The following ABHD17C variants were observed in gnomAD, a reference collection of about 807,000 sequenced individuals.
The protein encoded by ABHD17C is abhydrolase domain containing 17C, depalmitoylase.
A neutral mutation model predicts 27.9 loss-of-function variants in ABHD17C; 11 were observed. That is an observed-to-expected ratio of 0.39 (90% CI 0.25 to 0.65). The LOEUF is 0.65. Among genes scored for constraint, ABHD17C ranks in the 30% least tolerant of loss-of-function variants. ABHD17C has a pLI of 0.45. For missense variants in ABHD17C, 280 were observed against 470.2 expected (o/e 0.60, Z 3.74); for synonymous variants, 233 against 209.1 (o/e 1.11, Z -0.98).
chr15:80,704,921 A>G (rs1894624435), intron 1 of ABHD17C: 1 of 152,112 alleles, frequency 6.6e-6, no homozygotes, highest in Admixed American at 6.5e-5. Flanking sequence ...TGAAAGTGAA[A>G]GGCTATGGAA....
intron 1 of ABHD17C, among the ~76,000 whole-genome samples, chr15:80,741,850 G>C (rs187823355): frequency 1.5e-4 from 23 of 152,246 alleles, no homozygotes; most frequent in African/African-American, 5.3e-4. Context: ...AGTAAAATAA[G>C]GGTTACTTGA....
In ABHD17C at chr15:80,695,660, G is replaced by A. The variant is rs1026216554; in HGVS notation, c.231G>A (p.Glu77=). 2.1e-6 allele frequency: 3 copies of A among 1,420,938 alleles called. No homozygotes were observed. Among genetic ancestry groups the A allele is most frequent in the African/African-American group, 3.0e-5 (2 of 66,074 alleles). 88.0% of individuals were successfully genotyped at this position (1,420,938 alleles called of 1,614,324 possible). A position where few individuals can be genotyped will look rare whatever the true frequency, so the allele number is the denominator to read the frequency against. Residue 77 remains glutamate (E), a synonymous_variant, in exon 1 of 3, where the codon GAG becomes GAA. Transcript: ENST00000258884. The surrounding 1 kb of genome is among the most constrained non-coding windows in gnomAD (Gnocchi z 4.3). ...CCCAGCCGGCACCGCAGCAGCCCGAGGAGGGCGCGGGCGCGGGGCCCGGTG... is the reference window on the plus strand; with the variant it reads ...CCCAGCCGGCACCGCAGCAGCCCGAAGAGGGCGCGGGCGCGGGGCCCGGTG... ...AAAQPAPQQP[E]EGAGAGPGAC...
At chr15:80,709,292 C>T (rs1368167039) in intron 1 of ABHD17C, among the ~76,000 whole-genome samples, 1 of 151,860 alleles carries the variant, frequency 6.6e-6, no homozygotes, top group Non-Finnish European at 1.5e-5. Flanking sequence ...AGTTTGAGAC[C>T]AACCTGGCCA....
chr15:80,748,530 A>T (rs8043471), intron 1 of ABHD17C, among the ~76,000 whole-genome samples: 32 of 152,112 alleles, frequency 2.1e-4, no homozygotes, highest in Admixed American at 1.9e-3. Context: ...AAATTATCAC[A>T]TCTTTCTATG....
At chr15:80,733,881 T>C (rs985935943) in intron 1 of ABHD17C, among the ~76,000 whole-genome samples, 1 of 152,174 alleles carries the variant, frequency 6.6e-6, no homozygotes, top group African/African-American at 2.4e-5. Context: ...AGTTTTTTTT[T>C]CCCCAACAGA....
intron 1 of ABHD17C, among the ~76,000 whole-genome samples, chr15:80,721,298 A>G (rs1350694460): frequency 6.6e-6 from 1 of 151,072 alleles, no homozygotes; most frequent in Non-Finnish European, 1.5e-5. Context: ...ATCCAAGAGT[A>G]TACTTATTTT....
intron 1 of ABHD17C, among the ~76,000 whole-genome samples, chr15:80,721,588 G>A (rs1040594081): frequency 6.6e-6 from 1 of 152,196 alleles, no homozygotes; most frequent in Non-Finnish European, 1.5e-5. Flanking sequence ...TGCCGTAAAT[G>A]CTATCGTCAT....
chr15:80,754,586 C>T lies in ABHD17C; in HGVS notation c.*216C>T. 1 of 522,160 alleles carries T rather than the reference C, an allele frequency of 1.9e-6. No homozygotes were observed. The allele number at this position is 522,160 out of a possible 1,614,324, so 32.3% of individuals were successfully genotyped here. On this transcript the variant is annotated 3_prime_UTR_variant, in exon 3 of 3. Transcript: ENST00000258884. ...CGTTAAACTGAACAGTCGTGATTCC[C>T]AGCTTCATTACCTTGCAGGAATGGG...
chr15:80,702,359 G>A (rs1160349380), intron 1 of ABHD17C, among the ~76,000 whole-genome samples: 2 of 152,092 alleles, frequency 1.3e-5, no homozygotes, highest in African/African-American at 2.4e-5. Flanking sequence ...GCTGGGCATG[G>A]TGGCTCATGC....
chr15:80,731,098 T>A (rs1895051786), intron 1 of ABHD17C, among the ~76,000 whole-genome samples: 1 of 152,210 alleles, frequency 6.6e-6, no homozygotes. Context: ...CCCCGTCGTC[T>A]GTGTGGAGGC....
chr15:80,719,392 T>TG (rs1489497333), intron 1 of ABHD17C, among the ~76,000 whole-genome samples: 1 of 152,234 alleles, frequency 6.6e-6, no homozygotes, highest in African/African-American at 2.4e-5. Context: ...TTTCTTCTTC[T>TG]GTCCCCTTGC....
At chr15:80,744,276 T>C (rs915923954) in intron 1 of ABHD17C, among the ~76,000 whole-genome samples, 2 of 152,058 alleles carry the variant, frequency 1.3e-5, no homozygotes, top group Non-Finnish European at 2.9e-5. Context: ...GAAAAATAAA[T>C]ACATAATAAT....
intron 1 of ABHD17C, among the ~76,000 whole-genome samples, chr15:80,706,456 C>G (rs962112654): frequency 6.6e-6 from 1 of 152,136 alleles, no homozygotes; most frequent in Non-Finnish European, 1.5e-5. Context: ...AAAGGAAAAA[C>G]GAGCGTAGAG....
intron 1 of ABHD17C, among the ~76,000 whole-genome samples, chr15:80,705,451 T>C (rs1187207570): frequency 2.0e-5 from 3 of 151,896 alleles, no homozygotes; most frequent in African/African-American, 7.3e-5. Flanking sequence ...GCAAGTTTTC[T>C]ACCATTTTGA....
intron 1 of ABHD17C, among the ~76,000 whole-genome samples, chr15:80,725,537 G>A (rs945992568): frequency 1.3e-5 from 2 of 151,932 alleles, no homozygotes; most frequent in Non-Finnish European, 2.9e-5. Context: ...TTTAGAGACA[G>A]GGTCTCACTC....
intron 1 of ABHD17C, among the ~76,000 whole-genome samples, chr15:80,724,569 A>AC (rs1555422816): frequency 1.3e-3 from 2 of 1,526 alleles, no homozygotes; most frequent in East Asian, 0.2. Flanking sequence ...TCTCATAAGG[A>AC]AAAACATAAA....
chr15:80,703,641 G>A (rs1216770962), intron 1 of ABHD17C, among the ~76,000 whole-genome samples: 1 of 152,140 alleles, frequency 6.6e-6, no homozygotes, highest in Non-Finnish European at 1.5e-5. Flanking sequence ...CTATGTATAT[G>A]AGTGTGCGTG....
At chr15:80,711,347 C>T (rs1298108410) in intron 1 of ABHD17C, among the ~76,000 whole-genome samples, 1 of 152,174 alleles carries the variant, frequency 6.6e-6, no homozygotes, top group Non-Finnish European at 1.5e-5. Flanking sequence ...TCTTTGGTCA[C>T]TTTCTGTGGC....
intron 1 of ABHD17C, among the ~76,000 whole-genome samples, chr15:80,701,987 G>A (rs1210334339): frequency 6.6e-6 from 1 of 151,998 alleles, no homozygotes; most frequent in Non-Finnish European, 1.5e-5. Flanking sequence ...AGTACCAGAA[G>A]CTGAGCTCTC....
Sources: gnomAD v4.1 joint callset for allele counts (sites outside exome capture counted in the v4.1 genomes callset) on GRCh38, gnomAD v4.1.1 for gene constraint, Gnocchi (gnomAD v3.1) non-coding constraint, MANE v1.5 for transcripts, NCBI Gene and HGNC (gene_info 2026-07-23, HGNC 2026-07-21) for gene names.